SPAM1: variants seen among roughly 807,000 people sequenced by gnomAD.
The protein encoded by SPAM1 is sperm adhesion molecule 1, also known as hyaluronidase PH-20.
In SPAM1, 22 loss-of-function variants were observed where a neutral mutation model predicts 29.6. That is an observed-to-expected ratio of 0.74 (90% CI 0.53 to 1.06). The LOEUF is 1.06. SPAM1 is among the 50% of genes least tolerant of loss of function. SPAM1 has a pLI of 0.00. For synonymous variants in SPAM1, 194 were observed against 204.6 expected (o/e 0.95, Z 0.44); for missense variants, 534 against 604.0 (o/e 0.88, Z 1.21).
At chr7:123,948,525 T>C in intron 1 of SPAM1, among the ~76,000 whole-genome samples, 1 of 152,142 alleles carries the variant, frequency 6.6e-6, no homozygotes, top group Non-Finnish European at 1.5e-5. Flanking sequence ...TTTTCAGTAT[T>C]GTAACAAAGT....
chr7:123,948,761 G>C (rs1303744595), intron 1 of SPAM1, among the ~76,000 whole-genome samples: 1 of 152,010 alleles, frequency 6.6e-6, no homozygotes, highest in Non-Finnish European at 1.5e-5. Flanking sequence ...TTAATGGTAA[G>C]AGGATTGTAT....
chr7:123,970,608 A>AATT (rs1554432383), intron 6 of SPAM1, among the ~76,000 whole-genome samples: 31 of 147,260 alleles, frequency 2.1e-4, no homozygotes, highest in South Asian at 1.5e-3. Context: ...TAATAATAAT[A>AATT]ATTATTATTA....
chr7:123,928,010 G>T lies in SPAM1; in HGVS notation c.-319+2658G>T, dbSNP rs150308302. On this transcript the variant is annotated intron_variant, in intron 1 of 4. Transcript: ENST00000682466. ...AGGAATTATGGGGTGACGGCGCATT[G>T]TAAGAGTTCATGGCTCTTAGACCTT... is the stretch of plus-strand genomic sequence containing the variant. 2.2e-3 allele frequency among the ~76,000 whole-genome samples: 338 copies of T among 152,236 alleles called. 7 individuals are homozygous for T. In the East Asian group the frequency reaches 0.042, roughly 19 times the overall value.
At chr7:123,962,627 A>T (rs1792373574), downstream of SPAM1, among the ~76,000 whole-genome samples, 2 of 151,856 alleles carry the variant, frequency 1.3e-5, no homozygotes, top group Non-Finnish European at 2.9e-5. Flanking sequence ...ATTTTCTTCC[A>T]GTAGTTTTAT....
chr7:123,964,052 TA>T (rs11313378), downstream of SPAM1, among the ~76,000 whole-genome samples: 30,631 of 151,736 alleles, frequency 0.2, 3,895 homozygotes, highest in African/African-American at 0.37. Flanking sequence ...TATAAGACAG[TA>T]TATTAAGTAA....
intron 4 of SPAM1, among the ~76,000 whole-genome samples, chr7:123,956,182 A>T (rs1342999635): frequency 6.6e-6 from 1 of 151,922 alleles, no homozygotes; most frequent in Non-Finnish European, 1.5e-5. Flanking sequence ...TATGTCTCTC[A>T]AATCATCTTC....
intron 1 of SPAM1, among the ~76,000 whole-genome samples, chr7:123,945,772 A>G (rs182071339): frequency 1.3e-5 from 2 of 152,256 alleles, no homozygotes; most frequent in Admixed American, 6.5e-5. Flanking sequence ...TTTTTAAGAC[A>G]GAAAGCAAAC....
downstream of SPAM1, among the ~76,000 whole-genome samples, chr7:123,962,579 T>A (rs1324365380): frequency 1.3e-5 from 2 of 151,960 alleles, no homozygotes; most frequent in Non-Finnish European, 2.9e-5. Context: ...ACCCATAAAA[T>A]CTTTGCCTTG....
intron 6 of SPAM1, chr7:123,970,303 A>G (rs1269098595): frequency 2.6e-6 from 4 of 1,531,962 alleles, no homozygotes; most frequent in Admixed American, 2.0e-5. Flanking sequence ...ACAGGTGACT[A>G]TCTTCTCCTT....
intron 3 of SPAM1, 96 bp downstream of exon 3, chr7:123,954,620 T>C: frequency 1.2e-6 from 1 of 816,650 alleles, no homozygotes; most frequent in South Asian, 1.9e-5. Flanking sequence ...AATCTAGCTT[T>C]TAATATTAGT....
intron 1 of SPAM1, among the ~76,000 whole-genome samples, chr7:123,928,810 G>T (rs1011588218): frequency 5.9e-5 from 9 of 152,196 alleles, no homozygotes; most frequent in African/African-American, 2.2e-4. Context: ...CAATGTCTAG[G>T]TTTGTATATA....
At chr7:123,937,596 CAAAAA>C (rs5887154) in intron 1 of SPAM1, among the ~76,000 whole-genome samples, 23 of 85,856 alleles carry the variant, frequency 2.7e-4, no homozygotes, top group African/African-American at 9.1e-4. Context: ...GACTCCATCT[CAAAAA>C]AAAAAAAAAA....
chr7:123,962,081 T>C (rs188296193), downstream of SPAM1, among the ~76,000 whole-genome samples: 1 of 152,120 alleles, frequency 6.6e-6, no homozygotes, highest in East Asian at 1.9e-4. Context: ...GGTAGTTCTA[T>C]TTTTAGTTTT....
At chr7:123,933,070 T>A (rs1183789766) in intron 1 of SPAM1, among the ~76,000 whole-genome samples, 1 of 151,982 alleles carries the variant, frequency 6.6e-6, no homozygotes, top group African/African-American at 2.4e-5. Flanking sequence ...TTTTTTAAAT[T>A]TACTTTAAGT....
At chr7:123,937,353 G>A (rs1808273653) in intron 1 of SPAM1, among the ~76,000 whole-genome samples, 1 of 152,116 alleles carries the variant, frequency 6.6e-6, no homozygotes, top group Non-Finnish European at 1.5e-5. Context: ...TGTAATCCCA[G>A]CATTTTGGGA....
intron 5 of SPAM1, among the ~76,000 whole-genome samples, chr7:123,967,450 A>G (rs938831333): frequency 7.2e-5 from 11 of 152,042 alleles, no homozygotes; most frequent in Admixed American, 3.9e-4. Context: ...TTATTTTGTC[A>G]GTGAGGGAAA....
In SPAM1 at chr7:123,954,524, A is replaced by G; in HGVS notation, c.954A>G (p.Gln318=). The change falls in exon 3 of 5, where the codon CAA becomes CAG. Residue 318 remains glutamine, a splice_region_variant and synonymous_variant. Transcript: ENST00000682466. ...ATCAAGTTTTGAAATTCCTTTCTCA[A>G]GTAAGTAAATCAGGGTATGAGGGCT... The part of the protein sequence containing the change: ...FTDQVLKFLS[Q]DELVYTFGET... The G allele has an allele frequency of 1.9e-6, 3 of 1,579,776 alleles. No homozygotes were observed. Among genetic ancestry groups the G allele is most frequent in the Non-Finnish European group, 2.6e-6 (3 of 1,154,290 alleles).
intron 1 of SPAM1, among the ~76,000 whole-genome samples, chr7:123,934,183 A>G (rs1226438581): frequency 6.6e-6 from 1 of 152,176 alleles, no homozygotes; most frequent in Non-Finnish European, 1.5e-5. Context: ...ATAACCTACA[A>G]ATGCATTTTA....
At chr7:123,933,225 C>T (rs1012454526) in intron 1 of SPAM1, among the ~76,000 whole-genome samples, 1 of 151,846 alleles carries the variant, frequency 6.6e-6, no homozygotes, top group African/African-American at 2.4e-5. Flanking sequence ...CCTCCTTGCC[C>T]CCGACCCCTG....
Sources: gnomAD v4.1 joint callset for allele counts (sites outside exome capture counted in the v4.1 genomes callset) on GRCh38, gnomAD v4.1.1 for gene constraint, MANE v1.5 for transcripts, NCBI Gene and HGNC (gene_info 2026-07-23, HGNC 2026-07-21) for gene names.